TRIM24: variants seen among roughly 807,000 people sequenced by gnomAD.
The protein encoded by TRIM24 is tripartite motif containing 24, also known as transcription intermediary factor 1-alpha.
In TRIM24, 29 loss-of-function variants were observed where a neutral mutation model predicts 123.9. The ratio of observed to expected loss-of-function variants is 0.23; its 90% CI spans 0.17 to 0.32. The LOEUF (loss-of-function observed/expected upper bound fraction) is 0.32. Ranked by LOEUF, TRIM24 falls within the 10% of genes least tolerant of loss-of-function variation. The probability of loss-of-function intolerance (pLI) is 1.00; values close to 1 mark genes in which losing one functional copy is unlikely to be tolerated. For missense variants in TRIM24, 932 were observed against 1,295.3 expected (o/e 0.72, Z 4.31); for synonymous variants, 456 against 461.1 (o/e 0.99, Z 0.14).
At position 138,536,528 on chromosome 7, in the gene TRIM24, G is replaced by A. The variant is rs372949598; in HGVS notation, c.997-2129G>A. Among the ~76,000 whole-genome samples the A allele has an allele frequency of 3.9e-5, 6 of 152,372 alleles. No individual in the cohort carries two copies. In the East Asian group the frequency reaches 5.8e-4, roughly 15 times the overall value. On this transcript the variant is annotated intron_variant, in intron 6 of 18. Coordinates refer to ENST00000343526, the MANE Select transcript of TRIM24 (RefSeq NM_015905.3). ...TATCAGCATTGGAGGCTGCAGAGCA[G>A]CGAATATTGCTGAACAGCAAATGTT... is the stretch of plus-strand genomic sequence containing the variant.
intron 18 of TRIM24, 87 bp from the exon 19 acceptor site, chr7:138,584,655 C>T (rs747926940): frequency 9.3e-6 from 10 of 1,072,580 alleles, no homozygotes; most frequent in Non-Finnish European, 1.3e-5. Flanking sequence ...TATGCATGAA[C>T]ACTTTTCAAA....
Position 138,554,789 on chromosome 7 carries a change from A to G in TRIM24, c.1353A>G (p.Leu451=). The G allele has an allele frequency of 1.9e-6, 3 of 1,614,212 alleles. No individual in the cohort carries two copies. Among genetic ancestry groups the G allele is most frequent in the Non-Finnish European group, 2.5e-6 (3 of 1,180,002 alleles). Reference sequence around the variant, plus strand: ...AGAATTCACAGCCACCAAGTGGTTTATCATCAAACCAGTTATCCAAGTTCC... The same window carrying G: ...AGAATTCACAGCCACCAAGTGGTTTGTCATCAAACCAGTTATCCAAGTTCC... The part of the protein sequence containing the change: ...VEQNSQPPSG[L]SSNQLSKFPT... Residue 451 remains leucine, a synonymous_variant, in exon 9 of 19, where the codon TTA becomes TTG. Transcript: ENST00000343526. The surrounding 1 kb of genome is among the most constrained non-coding windows in gnomAD (Gnocchi z 4.5).
intron 2 of TRIM24, among the ~76,000 whole-genome samples, chr7:138,508,676 T>TGC (rs1554436580): frequency 2.0e-4 from 11 of 55,760 alleles, no homozygotes; most frequent in Non-Finnish European, 3.0e-4. Context: ...TGTGTGTGTG[T>TGC]GTGTGTGTGT....
chr7:138,515,983 TCTTTGTACC>T (rs1796385562), intron 3 of TRIM24, among the ~76,000 whole-genome samples: 1 of 152,160 alleles, frequency 6.6e-6, no homozygotes, highest in Non-Finnish European at 1.5e-5. Flanking sequence ...CCAATCAGCA[TCTTTGTACC>T]CTTTAAGTAA....
chr7:138,493,288 T>G (rs1795834952), intron 1 of TRIM24, among the ~76,000 whole-genome samples: 1 of 152,178 alleles, frequency 6.6e-6, no homozygotes, highest in Admixed American at 6.5e-5. Context: ...GAACCAGCTA[T>G]GTGCTATGAT....
chr7:138,577,940 A>G (rs1299141826), intron 14 of TRIM24, among the ~76,000 whole-genome samples: 1 of 152,238 alleles, frequency 6.6e-6, no homozygotes, highest in Non-Finnish European at 1.5e-5. Context: ...AAGATACTTG[A>G]TAATATGAAT....
At chr7:138,461,141 C>T (rs1182035905) in intron 1 of TRIM24, 2 of 697,024 alleles carry the variant, frequency 2.9e-6, no homozygotes, top group East Asian at 2.9e-5. Flanking sequence ...ACCGCGCCGC[C>T]GCCGCCGCCG....
chr7:138,475,813 CTCTG>C (rs879925063), intron 1 of TRIM24, among the ~76,000 whole-genome samples: 2 of 152,180 alleles, frequency 1.3e-5, no homozygotes, highest in Non-Finnish European at 2.9e-5. Flanking sequence ...CCTAGCCCAA[CTCTG>C]TCTTTTATAT....
intron 2 of TRIM24, among the ~76,000 whole-genome samples, chr7:138,509,373 T>A (rs1796236680): frequency 6.7e-6 from 1 of 148,712 alleles, no homozygotes; most frequent in Non-Finnish European, 1.5e-5. Context: ...TATAATACAG[T>A]CTTGGTGCAA....
intron 9 of TRIM24, among the ~76,000 whole-genome samples, chr7:138,555,592 C>A (rs1797300484): frequency 6.6e-6 from 1 of 151,442 alleles, no homozygotes; most frequent in Non-Finnish European, 1.5e-5. Context: ...AAGCGATTCT[C>A]CCACCTCAGC....
At chr7:138,479,586 C>G (rs1444141502) in intron 1 of TRIM24, among the ~76,000 whole-genome samples, 2 of 151,970 alleles carry the variant, frequency 1.3e-5, no homozygotes, top group Non-Finnish European at 2.9e-5. Flanking sequence ...GATGTTGGCT[C>G]ACCGCAATCT....
rs1073254 is a variant in TRIM24, at chr7:138,546,637, G to A, written c.1144-4426G>A. Among the ~76,000 whole-genome samples, 652 of 152,220 alleles carry A rather than the reference G, an allele frequency of 4.3e-3. 6 individuals are homozygous for A. The highest frequency in any genetic ancestry group is 0.015 in the African/African-American group (637 of 41,536). ...TAACGTGTGTAGGAGCAGTTGGGTG[G>A]GCACTGGAGCAAATGTGGTCATAAC... On this transcript the variant is annotated intron_variant, in intron 7 of 18. Coordinates refer to ENST00000343526, the MANE Select transcript of TRIM24 (RefSeq NM_015905.3).
At position 138,515,664 on chromosome 7, in the gene TRIM24, A is replaced by G. The variant is rs112907113; in HGVS notation, c.631+305A>G. On this transcript the variant is annotated intron_variant, in intron 3 of 18. Transcript: ENST00000343526. ...TTATTTTTCTTTTATCTCTAAGATA[A>G]CAACAAAGAGTGGGCTTAAATATTT... Among the ~76,000 whole-genome samples, 860 of 152,316 alleles carry G rather than the reference A, an allele frequency of 5.6e-3. 7 individuals carry two copies. Among genetic ancestry groups the G allele is most frequent in the Non-Finnish European group, 7.6e-3 (519 of 68,036 alleles).
chr7:138,471,739 C>T (rs920385772), intron 1 of TRIM24, among the ~76,000 whole-genome samples: 12 of 152,130 alleles, frequency 7.9e-5, no homozygotes, highest in Non-Finnish European at 1.8e-4. Flanking sequence ...TGGGGTTTCG[C>T]CATGTTGGCC....
chr7:138,523,875 A>G (rs1237084289), intron 4 of TRIM24, among the ~76,000 whole-genome samples: 1 of 152,192 alleles, frequency 6.6e-6, no homozygotes, highest in Non-Finnish European at 1.5e-5. Flanking sequence ...CTGACAAGGA[A>G]TAGAAATGGA....
Position 138,504,375 on chromosome 7 carries a change from G to A in TRIM24, c.450G>A (p.Glu150=), listed in dbSNP as rs1796102952. Residue 150 remains glutamate, a synonymous_variant, in exon 2 of 19, where the codon GAG becomes GAA. Transcript: ENST00000343526. ...ACTTTTTTGTGAAGGACACTACTGAGGTTCCCAGCAGTACAGTAGAAAAGT... is the reference window on the plus strand; with the variant it reads ...ACTTTTTTGTGAAGGACACTACTGAAGTTCCCAGCAGTACAGTAGAAAAGT... ...IDNFFVKDTT[E]VPSSTVEKSN... is the part of the protein sequence containing the mutation. 2 of 1,598,158 alleles carry A rather than the reference G, an allele frequency of 1.3e-6. No homozygotes were observed. The highest frequency in any genetic ancestry group is 1.7e-6 in the Non-Finnish European group (2 of 1,173,020).
chr7:138,514,287 A>C (rs568489240), intron 2 of TRIM24: 107 of 152,338 alleles, frequency 7.0e-4, no homozygotes, highest in African/African-American at 2.4e-3. Flanking sequence ...ATACAGAAAC[A>C]CTTGCTCCTT....
chr7:138,547,283 T>C (rs1478912561), intron 7 of TRIM24, among the ~76,000 whole-genome samples: 2 of 152,172 alleles, frequency 1.3e-5, no homozygotes, highest in Non-Finnish European at 2.9e-5. Flanking sequence ...GCTGCAAAAT[T>C]TCAATTAGAT....
chr7:138,476,592 CAA>C (rs60613094), intron 1 of TRIM24, among the ~76,000 whole-genome samples: 3,020 of 107,828 alleles, frequency 0.028, 72 homozygotes, highest in African/African-American at 0.093. Context: ...GGCTCCGTCT[CAA>C]AAAAAAAAAA....
Sources: allele counts gnomAD v4.1 joint callset (sites outside exome capture counted in the v4.1 genomes callset), GRCh38; gene constraint gnomAD v4.1.1; non-coding constraint Gnocchi (gnomAD v3.1); transcripts MANE v1.5; gene names NCBI Gene and HGNC (gene_info 2026-07-23, HGNC 2026-07-21).